Variants in STK24 observed in about 807,000 individuals in gnomAD.
STK24 encodes serine/threonine kinase 24, also known as serine/threonine-protein kinase 24.
STK24 carries 21 observed loss-of-function variants against 55.6 expected under a neutral mutation model. That is an observed-to-expected ratio of 0.38 (90% confidence interval 0.27 to 0.54). The LOEUF is 0.54. STK24 is among the 20% of genes least tolerant of loss of function. The pLI is 0.79. For synonymous variants in STK24, 200 were observed against 215.2 expected (o/e 0.93, Z 0.62); for missense variants, 383 against 538.4 (o/e 0.71, Z 2.86).
rs4772081 is a variant in STK24 at position 98,448,008 on chromosome 13, T to A, written c.*5165A>T. ...GCTCCAATGGAGCGGGCAGTGTCAC[T>A]GCAGCAAGGTACTTCCAGCTCCACA... On this transcript the variant is annotated 3_prime_UTR_variant, in exon 11 of 11. Transcript: ENST00000539966. 2 of 570,760 alleles carry A rather than the reference T, an allele frequency of 3.5e-6. No individual in the cohort carries two copies. The highest frequency in any genetic ancestry group is 3.1e-6 in the Non-Finnish European group (1 of 318,742). 35.4% of individuals were successfully genotyped at this position (570,760 alleles called of 1,614,324 possible).
intron 2 of STK24, among the ~76,000 whole-genome samples, chr13:98,501,316 T>C (rs1413014214): frequency 2.0e-5 from 3 of 152,136 alleles, no homozygotes; most frequent in Non-Finnish European, 2.9e-5. Context: ...AGACAGGCAC[T>C]GTGCAACTGT....
intron 2 of STK24, among the ~76,000 whole-genome samples, chr13:98,499,941 T>C (rs991486080): frequency 6.6e-6 from 1 of 152,222 alleles, no homozygotes; most frequent in African/African-American, 2.4e-5. Context: ...CAGAACCCTT[T>C]AATCCCCTCA....
intron 1 of STK24, among the ~76,000 whole-genome samples, chr13:98,535,371 ATATATATAT>A (rs1566392055): frequency 2.7e-5 from 1 of 37,410 alleles, no homozygotes; most frequent in Non-Finnish European, 5.9e-5. Context: ...CAAAAAAAAA[ATATATATAT>A]ATATATATAT....
At chr13:98,498,866 G>A (rs74109150) in intron 2 of STK24, among the ~76,000 whole-genome samples, 6 of 152,254 alleles carry the variant, frequency 3.9e-5, no homozygotes, top group East Asian at 1.9e-4. Context: ...ATCCCAGACC[G>A]CCACTGGGGA....
intron 2 of STK24, among the ~76,000 whole-genome samples, chr13:98,509,726 C>T (rs1895815466): frequency 6.6e-6 from 1 of 152,228 alleles, no homozygotes; most frequent in African/African-American, 2.4e-5. Flanking sequence ...GCAGACTGAG[C>T]TCCCCATGTT....
At chr13:98,543,832 G>A (rs1257294739) in intron 1 of STK24, among the ~76,000 whole-genome samples, 2 of 152,182 alleles carry the variant, frequency 1.3e-5, no homozygotes, top group African/African-American at 2.4e-5. Context: ...TGCCATCCAC[G>A]ACTCAGTATC....
At position 98,450,838 on chromosome 13, in the gene STK24, A is replaced by G. The variant is rs1176181576; in HGVS notation, c.*2335T>C. Reference sequence around the variant, plus strand: ...ACAAAAGCCAGCTTCCTTGGCTAAGATGCCCTTAAAAACATTGGGGCTGAT... The same window carrying G: ...ACAAAAGCCAGCTTCCTTGGCTAAGGTGCCCTTAAAAACATTGGGGCTGAT... On this transcript the variant is annotated 3_prime_UTR_variant, in exon 11 of 11. Transcript: ENST00000539966. The G allele has an allele frequency of 6.6e-6, 1 of 152,272 alleles. No homozygotes were observed. The highest frequency in any genetic ancestry group is 1.5e-5 in the Non-Finnish European group (1 of 68,064). 9.4% of individuals were successfully genotyped at this position (152,272 alleles called of 1,614,324 possible).
Position 98,450,336 on chromosome 13 carries a change from T to G in STK24, c.*2837A>C, listed in dbSNP as rs981177595. ...AAGCTGTTTTTAAAGGAGGGAAATA[T>G]AAAAAATGTTTATAAACTGACAGTG... is the stretch of plus-strand genomic sequence containing the variant. On this transcript the variant is annotated 3_prime_UTR_variant, in exon 11 of 11. Transcript: ENST00000539966. The G allele has an allele frequency of 6.6e-6, 1 of 152,158 alleles. No individual in the cohort carries two copies. Among genetic ancestry groups the G allele is most frequent in the African/African-American group, 2.4e-5 (1 of 41,436 alleles). 9.4% of individuals were successfully genotyped at this position (152,158 alleles called of 1,614,324 possible).
intron 1 of STK24, among the ~76,000 whole-genome samples, chr13:98,560,128 C>A (rs1897381639): frequency 6.6e-6 from 1 of 152,340 alleles, no homozygotes; most frequent in Middle Eastern, 3.4e-3. Context: ...CGGTTGACAG[C>A]AAACCCTGAA....
chr13:98,514,253 G>A (rs1307556960), intron 2 of STK24, among the ~76,000 whole-genome samples: 2 of 152,202 alleles, frequency 1.3e-5, no homozygotes, highest in East Asian at 1.9e-4. Context: ...CAGCAGCCTC[G>A]TTCATGGAGA....
chr13:98,478,472 GGGAGAGGACAAT>G (rs2139295770), intron 3 of STK24, among the ~76,000 whole-genome samples: 1 of 152,340 alleles, frequency 6.6e-6, no homozygotes, highest in Admixed American at 6.5e-5. Flanking sequence ...CACTGGCAGT[GGGAGAGGACAAT>G]GGCTGAAGAC....
chr13:98,558,388 GA>G (rs1897329025), intron 1 of STK24, among the ~76,000 whole-genome samples: 1 of 152,180 alleles, frequency 6.6e-6, no homozygotes, highest in Non-Finnish European at 1.5e-5. Context: ...GAACCCACTA[GA>G]GGGGGTGCAG....
Position 98,446,484 on chromosome 13 carries a change from C to T in STK24, c.*6689G>A, listed in dbSNP as rs56857116. ...GGCTTTATCTACAGCTCAGTCCTGG[C>T]GGGACTTGCCACCCGGGCCATCACG... is the stretch of plus-strand genomic sequence containing the variant. On this transcript the variant is annotated 3_prime_UTR_variant, in exon 11 of 11. Coordinates refer to ENST00000539966, the MANE Select transcript of STK24 (RefSeq NM_001032296.4). The T allele has an allele frequency of 2.8e-3, 1,778 of 642,502 alleles. 23 individuals carry two copies. In the African/African-American group the frequency reaches 0.029, roughly 11 times the overall value. 39.8% of individuals were successfully genotyped at this position (642,502 alleles called of 1,614,324 possible).
At chr13:98,551,922 G>T (rs1897169668) in intron 1 of STK24, among the ~76,000 whole-genome samples, 1 of 152,146 alleles carries the variant, frequency 6.6e-6, no homozygotes, top group Non-Finnish European at 1.5e-5. Flanking sequence ...TGCAGAAATT[G>T]GATTGCTTGA....
At chr13:98,575,586 G>A (rs1113472) in intron 1 of STK24, among the ~76,000 whole-genome samples, 25,849 of 152,076 alleles carry the variant, frequency 0.17, 2,254 homozygotes, top group African/African-American at 0.19. Flanking sequence ...ACTGGAAGAG[G>A]CGAGCAGACC....
At chr13:98,478,270 C>A (rs1594593046) in intron 3 of STK24, among the ~76,000 whole-genome samples, 1 of 152,218 alleles carries the variant, frequency 6.6e-6, no homozygotes, top group Non-Finnish European at 1.5e-5. Flanking sequence ...TTCTAACTCC[C>A]CCTCCCCGAG....
chr13:98,576,679 GA>G, intron 1 of STK24, 65 bp downstream of exon 1: 1 of 1,366,262 alleles, frequency 7.3e-7, no homozygotes, highest in Middle Eastern at 2.4e-4. Context: ...ACGCCGTGTG[GA>G]TACCGCCAAG....
chr13:98,549,052 T>G (rs1416519403), intron 1 of STK24, among the ~76,000 whole-genome samples: 1 of 152,012 alleles, frequency 6.6e-6, no homozygotes, highest in African/African-American at 2.4e-5. Flanking sequence ...CAAGCCCCAA[T>G]GGAGACACTA....
rs1182945454 is a variant in STK24, at chr13:98,463,585, A to C, written c.929+106T>G. ...CAATTGCCACCAACCTGGATTGTCT[A>C]AAAAAAAAAAAAAACTCAACAGAAA... is the stretch of plus-strand genomic sequence containing the variant. On this transcript the variant is annotated intron_variant, in intron 7 of 10. Coordinates refer to ENST00000539966, the MANE Select transcript of STK24 (RefSeq NM_001032296.4). 55 of 2,608 alleles carry C rather than the reference A, an allele frequency of 0.021. No individual in the cohort carries two copies. The East Asian group carries it at 0.48, about 23-fold the overall frequency. The allele number at this position is 2,608 out of a possible 1,614,324, so 0.2% of individuals were successfully genotyped here.
Sources: gnomAD v4.1 joint callset for allele counts (sites outside exome capture counted in the v4.1 genomes callset) on GRCh38, gnomAD v4.1.1 for gene constraint, MANE v1.5 for transcripts, NCBI Gene and HGNC (gene_info 2026-07-23, HGNC 2026-07-21) for gene names.